FXN: variants seen among roughly 807,000 people sequenced by gnomAD.
FXN encodes frataxin, mitochondrial.
Under a neutral mutation model 22.4 loss-of-function variants are expected in FXN, and 14 were observed. That is an observed-to-expected ratio of 0.62 (90% CI 0.41 to 0.98). The LOEUF (loss-of-function observed/expected upper bound fraction) is 0.98, where lower values mean the gene tolerates loss of function less well. Among genes scored for constraint, FXN ranks in the 50% least tolerant of loss-of-function variants. FXN has a pLI of 0.00. For missense variants in FXN, 267 were observed against 268.4 expected (o/e 0.99, Z 0.04); for synonymous variants, 120 against 114.1 (o/e 1.05, Z -0.33).
At chr9:69,053,510 TA>T (rs1564333673) in intron 3 of FXN, among the ~76,000 whole-genome samples, 1,682 of 136,542 alleles carry the variant, frequency 0.012, 18 homozygotes, top group African/African-American at 0.016. Context: ...GATGGATGGA[TA>T]GATAGATAGA....
chr9:69,050,928 G>C (rs2133107648), intron 2 of FXN, among the ~76,000 whole-genome samples: 1 of 152,168 alleles, frequency 6.6e-6, no homozygotes, highest in East Asian at 1.9e-4. Context: ...TTACAGGCAT[G>C]CGCCACTATG....
Position 69,078,599 on chromosome 9 carries a change from C to T in FXN, c.*5837C>T. ...CTGAACTGTTCAGGCACTGACTCTA[C>T]ATATAATTATGCTTTTCTACCCCCT... On this transcript the variant is annotated 3_prime_UTR_variant, in exon 5 of 5. Transcript: ENST00000484259. 1 of 985,720 alleles carries T rather than the reference C, an allele frequency of 1.0e-6. No homozygotes were observed. Among genetic ancestry groups the T allele is most frequent in the Non-Finnish European group, 1.2e-6 (1 of 829,952 alleles). 61.1% of individuals were successfully genotyped at this position (985,720 alleles called of 1,614,324 possible).
intron 4 of FXN, among the ~76,000 whole-genome samples, chr9:69,071,042 C>G (rs1832265412): frequency 6.6e-6 from 1 of 151,964 alleles, no homozygotes; most frequent in Non-Finnish European, 1.5e-5. Context: ...GTCTTACCTC[C>G]CACCTTGCGC....
intron 2 of FXN, among the ~76,000 whole-genome samples, chr9:69,047,070 A>G (rs1831768274): frequency 6.6e-6 from 1 of 152,176 alleles, no homozygotes; most frequent in Non-Finnish European, 1.5e-5. Context: ...AGGCTGGGAA[A>G]TATAGTCTAG....
In FXN at chr9:69,077,837, G is replaced by A. The variant is rs1587835395; in HGVS notation, c.*5075G>A. 3.0e-6 allele frequency: 2 copies of A among 668,806 alleles called. No homozygotes were observed. Among genetic ancestry groups the A allele is most frequent in the African/African-American group, 2.0e-5 (1 of 50,678 alleles). 41.4% of individuals were successfully genotyped at this position (668,806 alleles called of 1,614,324 possible). On this transcript the variant is annotated 3_prime_UTR_variant, in exon 5 of 5. Transcript: ENST00000484259. Reference sequence around the variant, plus strand: ...CCCAGCTACTCGGGAGGCTGAGGCAGGAGAATTGCTTGAACCTGGGTGGTG... The same window carrying A: ...CCCAGCTACTCGGGAGGCTGAGGCAAGAGAATTGCTTGAACCTGGGTGGTG...
At chr9:69,036,306 A>G (rs991347345) in intron 1 of FXN, 8 of 168,378 alleles carry the variant, frequency 4.8e-5, no homozygotes, top group African/African-American at 1.7e-4. Context: ...TGTTTCAGTA[A>G]TATTAATAGA....
Position 69,073,885 on chromosome 9 carries a change from A to G in FXN, c.*1123A>G. ...CGTGATTTCAGTTGAATTCATGTGA[A>G]AATAATAGCCATCCTTGGCCTGGCG... On this transcript the variant is annotated 3_prime_UTR_variant, in exon 5 of 5. Coordinates refer to ENST00000484259, the MANE Select transcript of FXN (RefSeq NM_000144.5). 1.0e-6 allele frequency: 1 copy of G among 985,326 alleles called. No homozygotes were observed. The highest frequency in any genetic ancestry group is 1.2e-6 in the Non-Finnish European group (1 of 829,890). 61.0% of individuals were successfully genotyped at this position (985,326 alleles called of 1,614,324 possible).
intron 4 of FXN, chr9:69,071,340 A>G (rs1832271376): frequency 1.9e-6 from 1 of 516,632 alleles, no homozygotes; most frequent in Admixed American, 1.9e-5. Context: ...AATCCTTGAT[A>G]CTTTTATTGC....
At chr9:69,058,918 C>A (rs1832013223) in intron 3 of FXN, among the ~76,000 whole-genome samples, 2 of 151,886 alleles carry the variant, frequency 1.3e-5, no homozygotes, top group Non-Finnish European at 2.9e-5. Flanking sequence ...AATGCAAAAA[C>A]TTAGCCGGGC....
intron 4 of FXN, among the ~76,000 whole-genome samples, chr9:69,066,240 G>C (rs1482349772): frequency 1.3e-5 from 2 of 152,188 alleles, no homozygotes; most frequent in African/African-American, 4.8e-5. Context: ...AACTAGCATA[G>C]AATTCTTTGA....
rs1450280383 is a variant in FXN at position 69,074,733 on chromosome 9, C to T, written c.*1971C>T. 1 of 877,900 alleles carries T rather than the reference C, an allele frequency of 1.1e-6. No homozygotes were observed. Among genetic ancestry groups the T allele is most frequent in the African/African-American group, 2.1e-5 (1 of 48,536 alleles). The allele number at this position is 877,900 out of a possible 1,614,324, so 54.4% of individuals were successfully genotyped here. On this transcript the variant is annotated 3_prime_UTR_variant, in exon 5 of 5. Transcript: ENST00000484259. ...TGGGCAACACAGCAAGATCCTATCT[C>T]TTAAAAAAAGAAAAAAAAACCTATT...
chr9:69,072,311 A>G (rs900871631), intron 4 of FXN, among the ~76,000 whole-genome samples: 1 of 152,242 alleles, frequency 6.6e-6, no homozygotes, highest in African/African-American at 2.4e-5. Flanking sequence ...CTGCTCCAGC[A>G]TAGCAGGTAT....
chr9:69,037,694 CAG>C (rs1407366176), intron 1 of FXN, among the ~76,000 whole-genome samples: 2 of 152,098 alleles, frequency 1.3e-5, no homozygotes, highest in Non-Finnish European at 2.9e-5. Flanking sequence ...TTTTTTGAGA[CAG>C]AGTTTCCCTC....
Position 69,060,486 on chromosome 9 carries a change from C to T in FXN, c.385-4452C>T, listed in dbSNP as rs574250646. On this transcript the variant is annotated intron_variant, in intron 3 of 4. Coordinates refer to ENST00000484259, the MANE Select transcript of FXN (RefSeq NM_000144.5). Reference sequence around the variant, plus strand: ...TTCCCCCTGCACTTAAGGGCATGCACACTCCCAAAATAGACTCAGATTGTC... The same window carrying T: ...TTCCCCCTGCACTTAAGGGCATGCATACTCCCAAAATAGACTCAGATTGTC... Among the ~76,000 whole-genome samples the T allele has an allele frequency of 2.6e-5, 4 of 152,282 alleles. No individual in the cohort carries two copies. In the South Asian group the frequency reaches 6.2e-4, roughly 24 times the overall value.
chr9:69,072,531 T>C, intron 4 of FXN, 81 bp from the exon 5 acceptor site: 1 of 1,608,828 alleles, frequency 6.2e-7, no homozygotes, highest in Non-Finnish European at 8.5e-7. Flanking sequence ...AGTCAATTTC[T>C]TGGGGGCAGC....
intron 4 of FXN, among the ~76,000 whole-genome samples, chr9:69,065,314 G>A (rs1407478541): frequency 6.6e-6 from 1 of 152,198 alleles, no homozygotes; most frequent in African/African-American, 2.4e-5. Context: ...GCCAAGGCCT[G>A]TGGATCACTT....
At chr9:69,053,719 A>T (rs149305063) in intron 3 of FXN, among the ~76,000 whole-genome samples, 2 of 152,178 alleles carry the variant, frequency 1.3e-5, no homozygotes, top group Non-Finnish European at 2.9e-5. Flanking sequence ...CAGCAGGCAG[A>T]TGGAGGGAAC....
At chr9:69,044,141 C>G (rs1055104324) in intron 1 of FXN, among the ~76,000 whole-genome samples, 3 of 152,134 alleles carry the variant, frequency 2.0e-5, no homozygotes, top group African/African-American at 7.2e-5. Flanking sequence ...GGGTACCTAG[C>G]CTTGTATTTC....
chr9:69,038,347 C>T (rs553565003), intron 1 of FXN, among the ~76,000 whole-genome samples: 52 of 152,124 alleles, frequency 3.4e-4, no homozygotes, highest in Non-Finnish European at 6.8e-4. Context: ...GGCCTCTTCC[C>T]CACCCTTTTC....
Sources: gnomAD v4.1 joint callset for allele counts (sites outside exome capture counted in the v4.1 genomes callset) on GRCh38, gnomAD v4.1.1 for gene constraint, MANE v1.5 for transcripts, NCBI Gene and HGNC (gene_info 2026-07-23, HGNC 2026-07-21) for gene names.